Variants in CTSL observed in about 807,000 individuals in gnomAD.
CTSL encodes procathepsin L.
In CTSL, 23 loss-of-function variants were observed where a neutral mutation model predicts 34.7. The observed-to-expected ratio is 0.66, with a 90% CI of 0.48 to 0.94. The LOEUF (loss-of-function observed/expected upper bound fraction) is 0.94, where lower values mean the gene tolerates loss of function less well. Ranked by LOEUF, CTSL falls within the 40% of genes least tolerant of loss-of-function variation. The probability of loss-of-function intolerance (pLI) is 0.00; values close to 1 mark genes in which losing one functional copy is unlikely to be tolerated. For synonymous variants in CTSL, 129 were observed against 136.7 expected (o/e 0.94, Z 0.39); for missense variants, 361 against 406.3 (o/e 0.89, Z 0.96).
chr9:87,728,897 A>G (rs769988983), intron 5 of CTSL, 88 bp downstream of exon 5: 2 of 1,578,080 alleles, frequency 1.3e-6, no homozygotes, highest in South Asian at 1.1e-5. Flanking sequence ...CGGAATTCAT[A>G]TATTAGGGCT....
intron 6 of CTSL, 70 bp downstream of exon 6, chr9:87,729,805 C>G: frequency 6.8e-7 from 1 of 1,479,276 alleles, no homozygotes; most frequent in African/African-American, 1.4e-5. Flanking sequence ...ATGATAGACT[C>G]TGGTTTGCAA....
intron 5 of CTSL, 37 bp from the exon 6 acceptor site, chr9:87,729,536 A>G (rs369452253): frequency 1.3e-6 from 2 of 1,594,752 alleles, no homozygotes; most frequent in Admixed American, 1.7e-5. Flanking sequence ...GGAGGACAGC[A>G]GTAATCAAGT....
At chr9:87,728,522 C>A in intron 4 of CTSL, 63 bp from the exon 5 acceptor site, 2 of 1,576,752 alleles carry the variant, frequency 1.3e-6, no homozygotes, top group South Asian at 1.2e-5. Flanking sequence ...GATGTGTGAG[C>A]TGTTGTCAAA....
intron 4 of CTSL, 27 bp from the exon 5 acceptor site, chr9:87,728,558 G>T (rs1171411894): frequency 9.4e-6 from 15 of 1,591,028 alleles, no homozygotes; most frequent in Admixed American, 3.7e-5. Context: ...TTTTGTGGAT[G>T]ACAGCTTTTT....
rs1300334010 is a variant in CTSL at position 87,731,178 on chromosome 9, TA to T, written c.*72del. On this transcript the variant is annotated 3_prime_UTR_variant, in exon 8 of 8. Coordinates refer to ENST00000343150, the MANE Select transcript of CTSL (RefSeq NM_001912.5). ...GCATGGGAGGAATTCATCTTCAGTC[TA>T]CCAGCCCCCGCTGTGTCGGATACAC... The T allele has an allele frequency of 3.5e-6, 4 of 1,145,358 alleles. No individual in the cohort carries two copies. In the Admixed American group the frequency reaches 5.6e-5, roughly 16 times the overall value. The allele number at this position is 1,145,358 out of a possible 1,614,324, so 70.9% of individuals were successfully genotyped here.
chr9:87,729,783 T>C (rs745846891), intron 6 of CTSL, 48 bp downstream of exon 6: 2 of 1,559,586 alleles, frequency 1.3e-6, no homozygotes, highest in Non-Finnish European at 1.7e-6. Flanking sequence ...AAGAGTATCA[T>C]GACATACGAG....
intron 1 of CTSL, among the ~76,000 whole-genome samples, chr9:87,727,283 T>A (rs955055093): frequency 6.6e-6 from 1 of 152,170 alleles, no homozygotes; most frequent in Non-Finnish European, 1.5e-5. Flanking sequence ...TTCCTAGTTG[T>A]TGCCTTAAGC....
At chr9:87,730,947 CT>C in intron 7 of CTSL, 60 bp from the exon 8 acceptor site, 1 of 1,384,342 alleles carries the variant, frequency 7.2e-7, no homozygotes, top group Admixed American at 1.7e-5. Context: ...TTGGGTGTTC[CT>C]GTTAATAACC....
chr9:87,728,744 G>C lies in CTSL; in HGVS notation c.556G>C (p.Ala186Pro). Residue 186 changes from alanine (A) to proline (P), a missense_variant, in exon 5 of 8, where the codon GCT becomes CCT. Physicochemically the swap from Ala to Pro is conservative, Grantham distance 27. Coordinates refer to ENST00000343150, the MANE Select transcript of CTSL (RefSeq NM_001912.5). ...CTGCAATGGTGGCCTAATGGATTAT[G>C]CTTTCCAGTATGTTCAGGATAATGG... ...EGCNGGLMDYAFQYVQDNGGL... is the reference protein window; with the variant it reads ...EGCNGGLMDYPFQYVQDNGGL... 1.2e-6 allele frequency: 2 copies of C among 1,614,190 alleles called. No homozygotes were observed. Among genetic ancestry groups the C allele is most frequent in the South Asian group, 2.2e-5 (2 of 91,078 alleles).
chr9:87,730,410 G>A lies in CTSL; in HGVS notation c.814G>A (p.Glu272Lys). The change falls in exon 7 of 8, where the codon GAA becomes AAA. Residue 272 changes from glutamate to lysine, a missense_variant. Physicochemically the swap from Glu to Lys is moderately conservative, Grantham distance 56. Coordinates refer to ENST00000343150, the MANE Select transcript of CTSL (RefSeq NM_001912.5). ...GIYFEPDCSS[E>K]DMDHGVLVVG... ...TTATTTTGAGCCAGACTGTAGCAGT[G>A]AAGACATGGATCATGGTGTGCTGGT... 1 of 1,612,174 alleles carries A rather than the reference G, an allele frequency of 6.2e-7. No individual in the cohort carries two copies. The highest frequency in any genetic ancestry group is 1.1e-5 in the South Asian group (1 of 90,852).
chr9:87,729,823 T>A (rs1826189094), intron 6 of CTSL, 88 bp downstream of exon 6: 5 of 1,331,508 alleles, frequency 3.8e-6, no homozygotes, highest in Non-Finnish European at 5.1e-6. Context: ...CAAGTAAAGT[T>A]CAGTGTAGAT....
At chr9:87,726,961 C>A (rs1018502040) in intron 1 of CTSL, among the ~76,000 whole-genome samples, 2 of 151,962 alleles carry the variant, frequency 1.3e-5, no homozygotes, top group Non-Finnish European at 2.9e-5. Context: ...ATGGCTTGAA[C>A]CCGGGAGGCA....
Position 87,728,744 on chromosome 9 carries a change from G to A in CTSL, c.556G>A (p.Ala186Thr). ...EGCNGGLMDY[A>T]FQYVQDNGGL... ...CTGCAATGGTGGCCTAATGGATTAT[G>A]CTTTCCAGTATGTTCAGGATAATGG... The change falls in exon 5 of 8, where the codon GCT (alanine) becomes ACT (threonine). Residue 186 changes from alanine (A) to threonine (T), a missense_variant. Physicochemically the swap from Ala to Thr is moderately conservative, Grantham distance 58. Coordinates refer to ENST00000343150, the MANE Select transcript of CTSL (RefSeq NM_001912.5). 1 of 1,614,190 alleles carries A rather than the reference G, an allele frequency of 6.2e-7. No homozygotes were observed. The highest frequency in any genetic ancestry group is 8.5e-7 in the Non-Finnish European group (1 of 1,180,028).
intron 5 of CTSL, chr9:87,729,049 T>C (rs765453310): frequency 5.8e-5 from 63 of 1,078,594 alleles, no homozygotes; most frequent in Non-Finnish European, 6.9e-5. Context: ...ATTAGCCGGC[T>C]GTGGTGGTGT....
chr9:87,728,571 A>T lies in CTSL; in HGVS notation c.397-14A>T, dbSNP rs1441345548. The stretch of plus-strand genomic sequence containing the variant: ...TTTTTTGTGGATGACAGCTTTTTTT[A>T]ATTCCCTTTTCAGGGTCAGTGTGGT... On this transcript the variant is annotated splice_polypyrimidine_tract_variant and intron_variant, in intron 4 of 7. Transcript: ENST00000343150. The T allele has an allele frequency of 6.3e-7, 1 of 1,596,332 alleles. No homozygotes were observed. Among genetic ancestry groups the T allele is most frequent in the Admixed American group, 1.8e-5 (1 of 55,196 alleles).
chr9:87,727,886 G>A, intron 2 of CTSL, 141 bp from the exon 3 acceptor site: 1 of 1,425,154 alleles, frequency 7.0e-7, no homozygotes, highest in Admixed American at 1.8e-5. Flanking sequence ...TTGTGTCTCA[G>A]TTTGGAGAAC....
chr9:87,728,503 C>A, intron 4 of CTSL, 82 bp from the exon 5 acceptor site: 1 of 1,565,240 alleles, frequency 6.4e-7, no homozygotes, highest in South Asian at 1.2e-5. Flanking sequence ...CACTTTTTAA[C>A]AGTATTCAGA....
intron 4 of CTSL, 81 bp downstream of exon 4, chr9:87,728,477 A>T (rs1826124414): frequency 2.5e-6 from 4 of 1,574,698 alleles, no homozygotes; most frequent in Non-Finnish European, 3.4e-6. Flanking sequence ...GGTAGACTTT[A>T]AAGTGATGTA....
chr9:87,727,896 C>A, intron 2 of CTSL, 131 bp from the exon 3 acceptor site: 1 of 1,431,918 alleles, frequency 7.0e-7, no homozygotes, highest in Non-Finnish European at 9.6e-7. Context: ...GTTTGGAGAA[C>A]AGCATCCCCA....
Sources: gnomAD v4.1 joint callset for allele counts (sites outside exome capture counted in the v4.1 genomes callset) on GRCh38, gnomAD v4.1.1 for gene constraint, MANE v1.5 for transcripts, NCBI Gene and HGNC (gene_info 2026-07-23, HGNC 2026-07-21) for gene names.